CNTN5: variants seen among roughly 807,000 people sequenced by gnomAD.
CNTN5 encodes contactin 5, also known as contactin-5.
In CNTN5, 77 loss-of-function variants were observed where a neutral mutation model predicts 129.1. The observed-to-expected ratio is 0.60, with a 90% CI of 0.50 to 0.72. CNTN5 has a LOEUF of 0.72. CNTN5 is among the 30% of genes least tolerant of loss of function. The pLI, the probability that CNTN5 is intolerant of heterozygous loss-of-function variation, is 0.00. For missense variants in CNTN5, 1,478 were observed against 1,328.8 expected, an observed-to-expected ratio of 1.11 and a Z score of -1.75; for synonymous variants, 509 against 465.6, an observed-to-expected ratio of 1.09 and a Z score of -1.20.
At chr11:99,489,536 T>A (rs1469704465) in intron 2 of CNTN5, among the ~76,000 whole-genome samples, 2 of 152,200 alleles carry the variant, frequency 1.3e-5, no homozygotes, top group African/African-American at 4.8e-5. Context: ...AGCATTGCTT[T>A]ATTTGCTAAT....
chr11:99,033,762 C>T (rs1254434772), intron 1 of CNTN5, among the ~76,000 whole-genome samples: 5 of 152,148 alleles, frequency 3.3e-5, no homozygotes, highest in Non-Finnish European at 5.9e-5. Context: ...CCCTTTATTT[C>T]CTTCACCTGC....
chr11:99,963,340 G>T (rs190963278), intron 8 of CNTN5, among the ~76,000 whole-genome samples: 2 of 152,146 alleles, frequency 1.3e-5, no homozygotes, highest in Non-Finnish European at 2.9e-5. Flanking sequence ...TTTGTATAAG[G>T]TGTAAGGAGG....
intron 4 of CNTN5, among the ~76,000 whole-genome samples, chr11:99,838,105 TA>T (rs893867772): frequency 1.3e-5 from 2 of 152,110 alleles, no homozygotes; most frequent in African/African-American, 4.8e-5. Flanking sequence ...TAGAATTGGG[TA>T]AAAAACTGTC....
chr11:100,197,830 G>A lies in CNTN5; in HGVS notation c.1884+4167G>A, dbSNP rs754470247. Among the ~76,000 whole-genome samples, 184 of 151,944 alleles carry A rather than the reference G, an allele frequency of 1.2e-3. 1 individual carries two copies. Among genetic ancestry groups the A allele is most frequent in the Admixed American group, 1.2e-3 (18 of 15,214 alleles). On this transcript the variant is annotated intron_variant, in intron 15 of 24. Coordinates refer to ENST00000524871, the MANE Select transcript of CNTN5 (RefSeq NM_014361.4). Reference sequence around the variant, plus strand: ...CATTTGTTGTCAGAATGGTCCACTAGAGAAGAATTGCCCTTTCATTGTGAA... The same window carrying A: ...CATTTGTTGTCAGAATGGTCCACTAAAGAAGAATTGCCCTTTCATTGTGAA...
intron 13 of CNTN5, among the ~76,000 whole-genome samples, chr11:100,091,160 C>G (rs766254836): frequency 6.6e-6 from 1 of 152,056 alleles, no homozygotes; most frequent in South Asian, 2.1e-4. Flanking sequence ...ACTCCCTGTT[C>G]GGTGCATGCA....
intron 21 of CNTN5, among the ~76,000 whole-genome samples, chr11:100,335,776 A>AG (rs1303819581): frequency 2.0e-5 from 3 of 151,884 alleles, no homozygotes; most frequent in African/African-American, 7.3e-5. Context: ...TCAAAAAAAA[A>AG]AAGCCATTCT....
intron 3 of CNTN5, among the ~76,000 whole-genome samples, chr11:99,703,473 T>G (rs1403495296): frequency 6.6e-6 from 1 of 150,806 alleles, no homozygotes; most frequent in Non-Finnish European, 1.5e-5. Flanking sequence ...TTGTCATTTC[T>G]TCAGTGCTTA....
intron 2 of CNTN5, among the ~76,000 whole-genome samples, chr11:99,520,874 G>A (rs1199776940): frequency 6.6e-6 from 1 of 152,120 alleles, no homozygotes; most frequent in Middle Eastern, 3.2e-3. Flanking sequence ...TGTTTGTACT[G>A]CTTTAAGGCA....
At chr11:99,477,050 CTT>C (rs1347190943) in intron 2 of CNTN5, among the ~76,000 whole-genome samples, 3 of 151,776 alleles carry the variant, frequency 2.0e-5, no homozygotes, top group South Asian at 2.1e-4. Context: ...TTATTTCTCT[CTT>C]AGCATCATTT....
At chr11:100,046,431 G>A (rs535903691) in intron 9 of CNTN5, among the ~76,000 whole-genome samples, 1 of 152,120 alleles carries the variant, frequency 6.6e-6, no homozygotes, top group South Asian at 2.1e-4. Flanking sequence ...AGACAATTAT[G>A]TTATGATGCA....
intron 6 of CNTN5, among the ~76,000 whole-genome samples, chr11:99,867,592 C>T (rs1490620243): frequency 6.6e-6 from 1 of 152,096 alleles, no homozygotes; most frequent in Non-Finnish European, 1.5e-5. Context: ...ATCTTAAAAG[C>T]TAGAACCATA....
intron 9 of CNTN5, among the ~76,000 whole-genome samples, chr11:100,052,333 C>T (rs893141612): frequency 4.0e-5 from 6 of 151,632 alleles, no homozygotes; most frequent in South Asian, 2.1e-4. Context: ...CCACACTTAA[C>T]GGGAGACCTG....
chr11:99,788,935 C>T (rs1945636602), intron 3 of CNTN5, among the ~76,000 whole-genome samples: 2 of 151,778 alleles, frequency 1.3e-5, no homozygotes, highest in East Asian at 1.9e-4. Flanking sequence ...TCTGAAAAAA[C>T]GTTTCCAATA....
chr11:99,816,475 G>A (rs1044877281), intron 3 of CNTN5, among the ~76,000 whole-genome samples: 1 of 152,124 alleles, frequency 6.6e-6, no homozygotes, highest in Admixed American at 6.6e-5. Context: ...TTTACCTCAA[G>A]CTCTTGCCTT....
At chr11:99,143,559 C>G (rs1292027602) in intron 1 of CNTN5, among the ~76,000 whole-genome samples, 1 of 151,884 alleles carries the variant, frequency 6.6e-6, no homozygotes, top group Non-Finnish European at 1.5e-5. Context: ...TCCTTCTTTC[C>G]TTTCTCCGTC....
chr11:99,892,372 T>C (rs1949085494), intron 6 of CNTN5, among the ~76,000 whole-genome samples: 1 of 152,204 alleles, frequency 6.6e-6, no homozygotes, highest in African/African-American at 2.4e-5. Context: ...TGCCATTGCT[T>C]TTGGTGTTTT....
intron 9 of CNTN5, among the ~76,000 whole-genome samples, chr11:100,035,401 T>C (rs1167331767): frequency 1.4e-5 from 2 of 145,858 alleles, no homozygotes; most frequent in Non-Finnish European, 3.0e-5. Context: ...TCCAAGTCTT[T>C]GCTATTGTGA....
intron 1 of CNTN5, among the ~76,000 whole-genome samples, chr11:99,238,061 A>T (rs1450349483): frequency 6.6e-6 from 1 of 152,220 alleles, no homozygotes; most frequent in Admixed American, 6.5e-5. Flanking sequence ...AGTTGAATAT[A>T]ATGTCCTCTA....
intron 8 of CNTN5, among the ~76,000 whole-genome samples, chr11:99,974,509 G>A (rs1193484229): frequency 6.6e-6 from 1 of 152,182 alleles, no homozygotes; most frequent in Non-Finnish European, 1.5e-5. Flanking sequence ...CCTTACAGAA[G>A]TAATCAGTAT....
Sources: gnomAD v4.1 joint callset for allele counts (sites outside exome capture counted in the v4.1 genomes callset) on GRCh38, gnomAD v4.1.1 for gene constraint, MANE v1.5 for transcripts, NCBI Gene and HGNC (gene_info 2026-07-23, HGNC 2026-07-21) for gene names.